Variants in KIAA0586 observed in about 807,000 individuals in gnomAD.
KIAA0586 encodes KIAA0586.
A neutral mutation model predicts 169.8 loss-of-function variants in KIAA0586; 144 were observed. That is an observed-to-expected ratio of 0.85 (90% CI 0.74 to 0.97). The LOEUF (loss-of-function observed/expected upper bound fraction) is 0.97. KIAA0586 is among the 50% of genes least tolerant of loss of function. The pLI is 0.00. For missense variants in KIAA0586, 1,854 were observed against 1,823.0 expected (o/e 1.02, Z -0.31); for synonymous variants, 625 against 612.4 (o/e 1.02, Z -0.30).
the KIAA0586 span, among the ~76,000 whole-genome samples, chr14:58,556,619 A>G: frequency 6.6e-6 from 1 of 152,264 alleles, no homozygotes; most frequent in African/African-American, 2.4e-5. Flanking sequence ...TTCTATCACC[A>G]TCAGTTACTT....
At chr14:58,437,449 G>A (rs2037921853) in intron 4 of KIAA0586, among the ~76,000 whole-genome samples, 2 of 152,068 alleles carry the variant, frequency 1.3e-5, no homozygotes, top group South Asian at 4.1e-4. Flanking sequence ...AGTGGCTCAT[G>A]CCTATAATCT....
chr14:58,429,142 C>A (rs1595055093), intron 1 of KIAA0586, among the ~76,000 whole-genome samples: 1 of 152,176 alleles, frequency 6.6e-6, no homozygotes, highest in African/African-American at 2.4e-5. Context: ...TGCTTAATCT[C>A]ACTTTATTGT....
chr14:58,528,513 C>T (rs2045744545), intron 29 of KIAA0586, among the ~76,000 whole-genome samples: 1 of 152,138 alleles, frequency 6.6e-6, no homozygotes, highest in Non-Finnish European at 1.5e-5. Flanking sequence ...TCTCTCAGAC[C>T]ACAGTGCAAT....
At chr14:58,512,421 CAT>C in intron 28 of KIAA0586, 99 bp from the exon 29 acceptor site, 1 of 618,406 alleles carries the variant, frequency 1.6e-6, no homozygotes, top group East Asian at 3.3e-5. Context: ...AGAAAGCAAG[CAT>C]ATTATTAAAA....
chr14:58,428,639 A>G (rs1009299271), intron 1 of KIAA0586, among the ~76,000 whole-genome samples, 176 bp downstream of exon 1: 3 of 151,316 alleles, frequency 2.0e-5, no homozygotes, highest in Non-Finnish European at 2.9e-5. Context: ...AGATGGAATG[A>G]ATGAAACTTT....
intron 28 of KIAA0586, among the ~76,000 whole-genome samples, chr14:58,511,500 C>T (rs533293118): frequency 6.6e-6 from 1 of 152,180 alleles, no homozygotes; most frequent in Non-Finnish European, 1.5e-5. Flanking sequence ...AGTTTAGCTC[C>T]TGTGGTCACA....
At chr14:58,465,750 G>A (rs1033590730) in intron 14 of KIAA0586, 85 bp from the exon 15 acceptor site, 2 of 814,686 alleles carry the variant, frequency 2.5e-6, no homozygotes, top group African/African-American at 3.5e-5. Context: ...AGATTTTTCT[G>A]TGAAGAGCTG....
In KIAA0586 at chr14:58,498,966, C is replaced by T. The variant is rs1327783785; in HGVS notation, c.4168+6C>T. ...GCAATTTGACACAGTTTCAGGTAGA[C>T]ACCAAAATATTTTTTCTTGATGTGT... On this transcript the variant is annotated splice_donor_region_variant and intron_variant, in intron 27 of 30. Transcript: ENST00000652326. The T allele has an allele frequency of 6.3e-7, 1 of 1,581,620 alleles. No individual in the cohort carries two copies. Among genetic ancestry groups the T allele is most frequent in the Non-Finnish European group, 8.6e-7 (1 of 1,163,468 alleles).
At chr14:58,434,429 C>T (rs1566776417) in intron 4 of KIAA0586, among the ~76,000 whole-genome samples, 2 of 152,100 alleles carry the variant, frequency 1.3e-5, no homozygotes, top group East Asian at 1.9e-4. Flanking sequence ...TGTTTGAGTT[C>T]TTGAAAAATT....
rs1191405948 is a variant in KIAA0586 at position 58,492,160 on chromosome 14, G to A, written c.3875G>A (p.Ser1292Asn). 1.7e-5 allele frequency: 26 copies of A among 1,541,390 alleles called. No homozygotes were observed. The highest frequency in any genetic ancestry group is 2.3e-5 in the Non-Finnish European group (26 of 1,142,682). Residue 1292 changes from serine (S) to asparagine (N), a missense_variant, in exon 26 of 31, where the codon AGT (serine) becomes AAT (asparagine). Physicochemically the swap from Ser to Asn is conservative, Grantham distance 46. Coordinates refer to ENST00000652326, the MANE Select transcript of KIAA0586 (RefSeq NM_001329943.3). ...DAVEMEDDPP[S>N]EGQVIRMSHK... The stretch of plus-strand genomic sequence containing the variant: ...TTCTTTTAGGAGGATGATCCTCCTA[G>A]TGAAGGGCAAGTGATTAGGATGTCC...
intron 19 of KIAA0586, 27 bp from the exon 20 acceptor site, chr14:58,477,096 C>A: frequency 7.8e-7 from 1 of 1,279,300 alleles, no homozygotes; most frequent in Non-Finnish European, 1.1e-6. Flanking sequence ...GGAATCTTAA[C>A]TTTTATCTGC....
chr14:58,533,188 G>C (rs1262360289), intron 29 of KIAA0586, among the ~76,000 whole-genome samples: 1 of 152,216 alleles, frequency 6.6e-6, no homozygotes, highest in East Asian at 1.9e-4. Flanking sequence ...GGAAGTCCTG[G>C]AAATCATATG....
In KIAA0586 at chr14:58,428,047, G is replaced by T. The variant is rs1671060567; in HGVS notation, c.-218G>T. The stretch of plus-strand genomic sequence containing the variant: ...CATCCCCACTTTCACATTTTGGCGT[G>T]GTGTATTAATAGACTGAGTGGGATT... On this transcript the variant is annotated 5_prime_UTR_variant, in exon 1 of 31. Coordinates refer to ENST00000652326, the MANE Select transcript of KIAA0586 (RefSeq NM_001329943.3). 1 of 1,432,208 alleles carries T rather than the reference G, an allele frequency of 7.0e-7. No individual in the cohort carries two copies. The highest frequency in any genetic ancestry group is 1.4e-5 in the African/African-American group (1 of 69,674). The allele number at this position is 1,432,208 out of a possible 1,614,324, so 88.7% of individuals were successfully genotyped here. A position where few individuals can be genotyped will look rare whatever the true frequency, so the allele number is the denominator to read the frequency against.
At chr14:58,445,600 A>AC (rs1171810561) in intron 6 of KIAA0586, among the ~76,000 whole-genome samples, 4 of 150,436 alleles carry the variant, frequency 2.7e-5, no homozygotes, top group East Asian at 2.0e-4. Context: ...TGCCCAGCTA[A>AC]TTTTTGTATT....
chr14:58,490,225 T>C lies in KIAA0586; in HGVS notation c.3843T>C (p.His1281=). The C allele has an allele frequency of 6.5e-7, 1 of 1,534,896 alleles. No homozygotes were observed. Among genetic ancestry groups the C allele is most frequent in the East Asian group, 2.4e-5 (1 of 41,500 alleles). ...ATGATAGCTTATCCAGCACTCTGCATGATGCCGTTGAAATGGTAAGTAACG... is the reference window on the plus strand; with the variant it reads ...ATGATAGCTTATCCAGCACTCTGCACGATGCCGTTGAAATGGTAAGTAACG... ...NLNDSLSSTL[H]DAVEMEDDPP... The change falls in exon 25 of 31, where the codon CAT becomes CAC. Residue 1281 remains histidine, a synonymous_variant. Coordinates refer to ENST00000652326, the MANE Select transcript of KIAA0586 (RefSeq NM_001329943.3).
Position 58,521,359 on chromosome 14 carries a change from G to A in KIAA0586, c.4429+8732G>A, listed in dbSNP as rs2045212467. The A allele has an allele frequency of 3.0e-6, 3 of 984,502 alleles. No individual in the cohort carries two copies. The Admixed American group carries it at 5.3e-5, about 17-fold the overall frequency. 61.0% of individuals were successfully genotyped at this position (984,502 alleles called of 1,614,324 possible). A position where few individuals can be genotyped will look rare whatever the true frequency, so the allele number is the denominator to read the frequency against. ...TCAAAGTATTGCAAAATTGTGGGCT[G>A]CTCTGTTCATAAGGGCTTTGCCTTT... On this transcript the variant is annotated intron_variant, in intron 29 of 30. Transcript: ENST00000652326.
At chr14:58,464,080 G>A in intron 14 of KIAA0586, 1 of 425,058 alleles carries the variant, frequency 2.4e-6, no homozygotes, top group Non-Finnish European at 4.8e-6. Context: ...TGATGATCTG[G>A]AGAAGAACAT....
intron 20 of KIAA0586, 50 bp from the exon 21 acceptor site, chr14:58,482,463 G>C (rs1161183818): frequency 8.1e-7 from 1 of 1,240,520 alleles, no homozygotes; most frequent in East Asian, 2.8e-5. Context: ...AGTTTGAATT[G>C]CAAGCATGTT....
intron 15 of KIAA0586, 36 bp from the exon 16 acceptor site, chr14:58,467,699 A>G: frequency 6.8e-7 from 1 of 1,474,150 alleles, no homozygotes; most frequent in South Asian, 1.2e-5. Flanking sequence ...TTTTTTTCTG[A>G]ACTAGTTGAC....
Sources: gnomAD v4.1 joint callset for allele counts (sites outside exome capture counted in the v4.1 genomes callset) on GRCh38, gnomAD v4.1.1 for gene constraint, MANE v1.5 for transcripts, NCBI Gene and HGNC (gene_info 2026-07-23, HGNC 2026-07-21) for gene names.